The following EFNB1 variants were observed in gnomAD, a reference collection of about 807,000 sequenced individuals.
EFNB1 encodes the protein ephrin B1.
A neutral mutation model predicts 18.1 loss-of-function variants in EFNB1; 1 was observed. The observed-to-expected ratio is 0.06, with a 90% CI of 0.02 to 0.26. The LOEUF (loss-of-function observed/expected upper bound fraction) is 0.26, where lower values mean the gene tolerates loss of function less well. Ranked by LOEUF, EFNB1 falls within the 10% of genes least tolerant of loss-of-function variation. The pLI is 1.00. For missense variants in EFNB1, 221 were observed against 301.8 expected (o/e 0.73, Z 1.98); for synonymous variants, 131 against 127.5 (o/e 1.03, Z -0.19).
rs754041672 is a variant in EFNB1, at chrX:68,840,095, G to A, written c.628+7G>A. On this transcript the variant is annotated splice_region_variant and intron_variant, in intron 4 of 4. Coordinates refer to ENST00000204961, the MANE Select transcript of EFNB1 (RefSeq NM_004429.5). Reference sequence around the variant, plus strand: ...GACTCTGATGGCAAGCATGGTAAGTGTATGTGTTTCCCAGAGGTCAGGAGC... The same window carrying A: ...GACTCTGATGGCAAGCATGGTAAGTATATGTGTTTCCCAGAGGTCAGGAGC... 4 of 1,212,080 alleles carry A rather than the reference G, an allele frequency of 3.3e-6. No homozygotes were observed. The South Asian group carries it at 5.3e-5, about 16-fold the overall frequency.
At chrX:68,835,461 G>T (rs1358865361) in intron 1 of EFNB1, among the ~76,000 whole-genome samples, 1 of 111,081 alleles carries the variant, frequency 9.0e-6, no homozygotes, top group Non-Finnish European at 1.9e-5. Context: ...AGAACTGTAG[G>T]GTCCCCCTTT....
chrX:68,833,186 C>A (rs2080451598), intron 1 of EFNB1, among the ~76,000 whole-genome samples: 1 of 111,637 alleles, frequency 9.0e-6, no homozygotes. Flanking sequence ...AGTGTTGGCC[C>A]CAGCCCCACA....
At chrX:68,835,436 A>G (rs369889418) in intron 1 of EFNB1, among the ~76,000 whole-genome samples, 10 of 111,584 alleles carry the variant, frequency 9.0e-5, no homozygotes, top group African/African-American at 2.9e-4. Flanking sequence ...CCTACTCCTA[A>G]TCTGGTAAGA....
Position 68,832,811 on chromosome X carries a change from C to CGTGTGTGTGTGTGTGTGT in EFNB1, c.128+2920_128+2937dup, listed in dbSNP as rs3085479. Among the ~76,000 whole-genome samples the CGTGTGTGTGTGTGTGTGT allele has an allele frequency of 5.1e-3, 494 of 97,365 alleles. 5 individuals carry two copies. Among genetic ancestry groups the CGTGTGTGTGTGTGTGTGT allele is most frequent in the African/African-American group, 0.018 (461 of 25,598 alleles). The allele number at this position is 97,365 out of a possible 115,157, so 84.5% of individuals were successfully genotyped here. ...TTTTTTTTAGGAACCTCTGTGTGTGCGTGTGTGTGTGTGTGTGTGTGTGTG... is the reference window on the plus strand; with the variant it reads ...TTTTTTTTAGGAACCTCTGTGTGTGCGTGTGTGTGTGTGTGTGTGTGTGTGTGTGTGTGTGTGTGTGTG... On this transcript the variant is annotated intron_variant, in intron 1 of 4. Transcript: ENST00000204961.
chrX:68,840,762 GT>G lies in EFNB1; in HGVS notation c.*112del. ...CCAGCTGTGCCCACCTTTGTATTTA[GT>G]TTTGTAGTTTCTTGGCTTTTATAAT... On this transcript the variant is annotated 3_prime_UTR_variant, in exon 5 of 5. Transcript: ENST00000204961. 2.2e-6 allele frequency: 2 copies of G among 914,163 alleles called. No homozygotes were observed. The highest frequency in any genetic ancestry group is 3.1e-6 in the Non-Finnish European group (2 of 655,427). The allele number at this position is 914,163 out of a possible 1,213,427, so 75.3% of individuals were successfully genotyped here.
intron 1 of EFNB1, among the ~76,000 whole-genome samples, chrX:68,830,236 C>A (rs2080441260): frequency 9.0e-6 from 1 of 111,542 alleles, no homozygotes; most frequent in Non-Finnish European, 1.9e-5. Context: ...GAACGCAGCT[C>A]CCTCCGGGGC....
Position 68,829,570 on chromosome X carries a change from G to T in EFNB1, c.-207G>T. The T allele has an allele frequency of 1.7e-6, 1 of 589,553 alleles. No individual in the cohort carries two copies. Among genetic ancestry groups the T allele is most frequent in the Non-Finnish European group, 2.6e-6 (1 of 383,068 alleles). 48.6% of individuals were successfully genotyped at this position (589,553 alleles called of 1,213,427 possible). ...CTCGGGGGCCGAAGCCCATGCCCGG[G>T]TTGGGGGCGGCTGCCCAGTGAGTCC... On this transcript the variant is annotated 5_prime_UTR_variant, in exon 1 of 5. Coordinates refer to ENST00000204961, the MANE Select transcript of EFNB1 (RefSeq NM_004429.5).
chrX:68,834,057 C>T (rs7050877), intron 1 of EFNB1, among the ~76,000 whole-genome samples: 5 of 112,311 alleles, frequency 4.5e-5, no homozygotes, highest in African/African-American at 1.6e-4. Context: ...GGGAAGAGGC[C>T]CTGGCTCCCT....
In EFNB1 at chrX:68,840,600, C is replaced by T. The variant is rs1300000557; in HGVS notation, c.987C>T (p.Tyr329=). The T allele has an allele frequency of 8.3e-7, 1 of 1,209,574 alleles. No individual in the cohort carries two copies. The highest frequency in any genetic ancestry group is 1.1e-6 in the Non-Finnish European group (1 of 894,947). ...GTGGGGACTACGGGCACCCTGTCTA[C>T]ATCGTCCAAGAGATGCCGCCCCAGA... ...KVSGDYGHPV[Y]IVQEMPPQSP... The change falls in exon 5 of 5, where the codon TAC becomes TAT. Residue 329 remains tyrosine, a synonymous_variant. Coordinates refer to ENST00000204961, the MANE Select transcript of EFNB1 (RefSeq NM_004429.5).
chrX:68,829,499 C>G lies in EFNB1; in HGVS notation c.-278C>G, dbSNP rs2080437889. On this transcript the variant is annotated 5_prime_UTR_variant, in exon 1 of 5. Transcript: ENST00000204961. ...GCGGGATCACCCGGGGGCGCAGAGC[C>G]CCCGTCGCGCCTCGTGCGGCAGCGG... 2.7e-6 allele frequency: 1 copy of G among 375,848 alleles called. No homozygotes were observed. The highest frequency in any genetic ancestry group is 4.6e-6 in the Non-Finnish European group (1 of 215,301). The allele number at this position is 375,848 out of a possible 1,213,427, so 31.0% of individuals were successfully genotyped here.
intron 1 of EFNB1, among the ~76,000 whole-genome samples, chrX:68,830,354 A>T (rs1367316146): frequency 8.9e-6 from 1 of 112,742 alleles, no homozygotes; most frequent in Admixed American, 9.2e-5. Context: ...CTGTGGAGGG[A>T]ACACAGAGCG....
At chrX:68,838,045 C>T (rs1164413086) in intron 1 of EFNB1, among the ~76,000 whole-genome samples, 2 of 111,286 alleles carry the variant, frequency 1.8e-5, no homozygotes, top group African/African-American at 6.5e-5. Context: ...ACATGGGTCC[C>T]AGACAGATTG....
intron 1 of EFNB1, among the ~76,000 whole-genome samples, chrX:68,836,253 C>T (rs1031083810): frequency 8.9e-6 from 1 of 111,755 alleles, no homozygotes; most frequent in African/African-American, 3.3e-5. Context: ...GTTGTGAGCA[C>T]TGGAAAGGGA....
chrX:68,840,094 T>C lies in EFNB1; in HGVS notation c.628+6T>C. On this transcript the variant is annotated splice_donor_region_variant and intron_variant, in intron 4 of 4. Transcript: ENST00000204961. ...TGACTCTGATGGCAAGCATGGTAAG[T>C]GTATGTGTTTCCCAGAGGTCAGGAG... The C allele has an allele frequency of 2.5e-6, 3 of 1,211,293 alleles. No individual in the cohort carries two copies. Among genetic ancestry groups the C allele is most frequent in the Non-Finnish European group, 3.4e-6 (3 of 895,354 alleles).
intron 1 of EFNB1, among the ~76,000 whole-genome samples, chrX:68,830,138 A>G (rs968440766): frequency 1.8e-5 from 2 of 110,486 alleles, no homozygotes; most frequent in African/African-American, 3.3e-5. Flanking sequence ...CTGCCTCTGC[A>G]CGTCTTGGAT....
rs941492117 is a variant in EFNB1 at position 68,839,651 on chromosome X, C to T, written c.407-13C>T. ...CTCCTGACTTCTCTGACTTCTCTGG[C>T]CTCTTCCTGCAGCAACATCCAATGG... On this transcript the variant is annotated splice_polypyrimidine_tract_variant and intron_variant, in intron 2 of 4. Coordinates refer to ENST00000204961, the MANE Select transcript of EFNB1 (RefSeq NM_004429.5). 2.5e-6 allele frequency: 3 copies of T among 1,207,203 alleles called. No homozygotes were observed. Among genetic ancestry groups the T allele is most frequent in the Non-Finnish European group, 3.4e-6 (3 of 893,066 alleles).
At chrX:68,831,044 A>G (rs2080443834) in intron 1 of EFNB1, among the ~76,000 whole-genome samples, 1 of 110,561 alleles carries the variant, frequency 9.0e-6, no homozygotes, top group East Asian at 2.9e-4. Flanking sequence ...CTTCCTCTCA[A>G]TTTTCTGGAG....
rs182655691 is a variant in EFNB1 at position 68,835,661 on chromosome X, G to A, written c.129-2956G>A. ...GGGAAGGCGGGTCTCATCAGGCTCC[G>A]CTCCCTTCTGCACTTCAGGGGAAGG... On this transcript the variant is annotated intron_variant, in intron 1 of 4. Transcript: ENST00000204961. Among the ~76,000 whole-genome samples, 489 of 111,463 alleles carry A rather than the reference G, an allele frequency of 4.4e-3. 1 individual carries two copies. Among genetic ancestry groups the A allele is most frequent in the Middle Eastern group, 9.2e-3 (2 of 217 alleles).
chrX:68,832,028 A>C (rs986490058), intron 1 of EFNB1, among the ~76,000 whole-genome samples: 14 of 110,708 alleles, frequency 1.3e-4, no homozygotes, highest in Admixed American at 8.5e-4. Context: ...CACTGTCTAC[A>C]TGTGTTGGCT....
Sources: allele counts gnomAD v4.1 joint callset (sites outside exome capture counted in the v4.1 genomes callset), GRCh38; gene constraint gnomAD v4.1.1; transcripts MANE v1.5; gene names NCBI Gene and HGNC (gene_info 2026-07-23, HGNC 2026-07-21).